INO80: variants seen among roughly 807,000 people sequenced by gnomAD.
INO80 encodes chromatin-remodeling ATPase INO80.
A neutral mutation model predicts 203.4 loss-of-function variants in INO80; 20 were observed. That is an observed-to-expected ratio of 0.10 (90% CI 0.07 to 0.14). The LOEUF is 0.14. Ranked by LOEUF, INO80 falls within the 10% of genes least tolerant of loss-of-function variation. The pLI is 1.00. For missense variants in INO80, 1,419 were observed against 1,914.4 expected (o/e 0.74, Z 4.83); for synonymous variants, 726 against 685.2 (o/e 1.06, Z -0.93).
chr15:41,038,846 T>C (rs773194797), intron 24 of INO80, among the ~76,000 whole-genome samples: 1 of 152,214 alleles, frequency 6.6e-6, no homozygotes, highest in Non-Finnish European at 1.5e-5. Flanking sequence ...TGGTTTGATA[T>C]AATGACTCTG....
intron 9 of INO80, among the ~76,000 whole-genome samples, chr15:41,078,867 A>G (rs925267626): frequency 8.5e-5 from 13 of 152,148 alleles, no homozygotes; most frequent in African/African-American, 2.4e-4. Flanking sequence ...TAGGCTGGGC[A>G]TGGTGGCTCA....
intron 21 of INO80, 127 bp downstream of exon 21, chr15:41,049,160 T>C: frequency 2.8e-6 from 2 of 726,496 alleles, no homozygotes; most frequent in Non-Finnish European, 4.3e-6. Flanking sequence ...CAACAAATAG[T>C]TGTCCACCCT....
chr15:40,980,552 C>T (rs1893788886), intron 35 of INO80, 112 bp from the exon 36 acceptor site: 6 of 728,216 alleles, frequency 8.2e-6, no homozygotes, highest in Non-Finnish European at 1.4e-5. Flanking sequence ...GTGGGCAATT[C>T]CTCCCTGCCA....
At chr15:41,110,217 T>C (rs2045939554) in intron 1 of INO80, among the ~76,000 whole-genome samples, 2 of 148,230 alleles carry the variant, frequency 1.3e-5, no homozygotes, top group African/African-American at 5.0e-5. Flanking sequence ...TGATCTCGGC[T>C]CACTGCAACC....
At chr15:41,075,464 G>A (rs1196187226) in intron 9 of INO80, among the ~76,000 whole-genome samples, 2 of 151,480 alleles carry the variant, frequency 1.3e-5, no homozygotes, top group African/African-American at 4.8e-5. Context: ...TTGGCGGCGG[G>A]GGAGGCGGGG....
intron 1 of INO80, among the ~76,000 whole-genome samples, chr15:41,107,496 G>A (rs2045897432): frequency 6.6e-6 from 1 of 152,004 alleles, no homozygotes; most frequent in Admixed American, 6.6e-5. Flanking sequence ...ACAAGACTCT[G>A]TCATTAAAAA....
chr15:41,012,120 A>C (rs1377787904), intron 27 of INO80, among the ~76,000 whole-genome samples: 1 of 152,250 alleles, frequency 6.6e-6, no homozygotes, highest in Non-Finnish European at 1.5e-5. Flanking sequence ...ATCTGTAATA[A>C]GTTAAAAGCT....
chr15:40,993,743 A>G (rs2043844919), intron 29 of INO80, among the ~76,000 whole-genome samples: 1 of 151,348 alleles, frequency 6.6e-6, no homozygotes, highest in Admixed American at 6.6e-5. Flanking sequence ...TGAATGACAG[A>G]GCAAGACTCT....
intron 5 of INO80, among the ~76,000 whole-genome samples, chr15:41,089,846 C>A (rs967446760): frequency 1.3e-4 from 19 of 151,904 alleles, no homozygotes; most frequent in African/African-American, 4.4e-4. Flanking sequence ...GTATGAAGAG[C>A]TTTCTAAGAG....
At position 41,020,913 on chromosome 15, in the gene INO80, G is replaced by A; in HGVS notation, c.3261C>T (p.Phe1087=). ...TTGAGAACTCACCTGGAATCCTGAT[G>A]AAAGACCAGCCATTCTGAGGTCTGA... The part of the protein sequence containing the change: ...WSIRPQNGWS[F]IRIPGKESLI... Residue 1087 remains phenylalanine, a synonymous_variant, in exon 26 of 36, where the codon TTC becomes TTT. Transcript: ENST00000648947. The A allele has an allele frequency of 6.2e-7, 1 of 1,610,790 alleles. No homozygotes were observed. Among genetic ancestry groups the A allele is most frequent in the Non-Finnish European group, 8.5e-7 (1 of 1,177,184 alleles).
intron 1 of INO80, among the ~76,000 whole-genome samples, chr15:41,099,921 T>C (rs189715636): frequency 2.1e-4 from 32 of 152,296 alleles, no homozygotes; most frequent in Admixed American, 2.1e-3. Flanking sequence ...TCTTGATACA[T>C]GTATAAATGT....
At chr15:41,088,883 C>T (rs950236967) in intron 5 of INO80, among the ~76,000 whole-genome samples, 1 of 152,128 alleles carries the variant, frequency 6.6e-6, no homozygotes, top group Non-Finnish European at 1.5e-5. Flanking sequence ...ATTTAAAAAA[C>T]AAGCAGGCCA....
intron 15 of INO80, 131 bp from the exon 16 acceptor site, chr15:41,058,912 G>C: frequency 1.2e-6 from 1 of 807,234 alleles, no homozygotes; most frequent in Non-Finnish European, 1.9e-6. Flanking sequence ...CCATATGGTA[G>C]GGAGATGTGC....
chr15:41,009,781 T>C (rs1418696790), intron 27 of INO80, among the ~76,000 whole-genome samples: 1 of 151,958 alleles, frequency 6.6e-6, no homozygotes, highest in Non-Finnish European at 1.5e-5. Context: ...TAAATTTTTA[T>C]AGAGATGGGG....
chr15:41,018,223 T>G (rs2044239328), intron 26 of INO80: 1 of 152,222 alleles, frequency 6.6e-6, no homozygotes, highest in Non-Finnish European at 1.5e-5. Context: ...TTTCTCCATT[T>G]AGATATACTC....
intron 8 of INO80, 108 bp downstream of exon 8, chr15:41,080,912 A>G (rs1461703512): frequency 2.7e-5 from 20 of 737,430 alleles, no homozygotes; most frequent in South Asian, 2.3e-4. Context: ...GAACTATTAG[A>G]TTCATGATCA....
At chr15:41,028,975 G>T (rs1171428589) in intron 24 of INO80, among the ~76,000 whole-genome samples, 2 of 152,210 alleles carry the variant, frequency 1.3e-5, no homozygotes, top group Non-Finnish European at 2.9e-5. Context: ...AGTGGGACAT[G>T]GTGTTCTATA....
intron 5 of INO80, among the ~76,000 whole-genome samples, chr15:41,090,431 G>C (rs996805460): frequency 6.6e-6 from 1 of 151,998 alleles, no homozygotes; most frequent in African/African-American, 2.4e-5. Flanking sequence ...CAAAAAAAAA[G>C]CCGGGCGTGG....
chr15:41,111,059 T>C (rs1336186430), intron 1 of INO80, among the ~76,000 whole-genome samples: 2 of 152,218 alleles, frequency 1.3e-5, no homozygotes, highest in Non-Finnish European at 2.9e-5. Flanking sequence ...CTAATTAGAA[T>C]TCCTTGTAAC....
Sources: allele counts gnomAD v4.1 joint callset (sites outside exome capture counted in the v4.1 genomes callset), GRCh38; gene constraint gnomAD v4.1.1; transcripts MANE v1.5; gene names NCBI Gene and HGNC (gene_info 2026-07-23, HGNC 2026-07-21).